Variants in PCM1 observed in about 807,000 individuals in gnomAD.
The protein encoded by PCM1 is pericentriolar material 1 protein.
A neutral mutation model predicts 241.9 loss-of-function variants in PCM1; 157 were observed. The observed-to-expected ratio is 0.65, with a 90% CI of 0.57 to 0.74. The LOEUF is 0.74. PCM1 is among the 30% of genes least tolerant of loss of function. The pLI is 0.00. For synonymous variants in PCM1, 1,085 were observed against 784.9 expected (o/e 1.38, Z -6.39); for missense variants, 3,478 against 2,360.1 (o/e 1.47, Z -9.81).
Position 17,967,183 on chromosome 8 carries a change from A to C in PCM1, c.3412+13A>C. 1 of 1,547,596 alleles carries C rather than the reference A, an allele frequency of 6.5e-7. No individual in the cohort carries two copies. Among genetic ancestry groups the C allele is most frequent in the Non-Finnish European group, 8.8e-7 (1 of 1,139,732 alleles). On this transcript the variant is annotated intron_variant, in intron 21 of 38. Transcript: ENST00000325083. The stretch of plus-strand genomic sequence containing the variant: ...TCATTTGCACCAGGTAGGTGACTTA[A>C]CCTAAAGAGAAAATAAATAAAAGCA...
intron 13 of PCM1, among the ~76,000 whole-genome samples, chr8:17,959,071 G>C (rs1206230846): frequency 6.6e-6 from 1 of 151,984 alleles, no homozygotes; most frequent in Non-Finnish European, 1.5e-5. Flanking sequence ...CTTCACTGAA[G>C]TTGCTAGGCC....
intron 29 of PCM1, among the ~76,000 whole-genome samples, chr8:17,995,745 G>C (rs13251155): frequency 0.47 from 69,315 of 147,130 alleles, 18,063 homozygotes; most frequent in Middle Eastern, 0.59. Context: ...TCTTTCATCA[G>C]TGTTTTATAG....
intron 36 of PCM1, 45 bp from the exon 37 acceptor site, chr8:18,025,316 G>A: frequency 1.0e-6 from 1 of 1,001,750 alleles, no homozygotes; most frequent in East Asian, 2.4e-5. Context: ...ATGGATGACT[G>A]GTTTGGATCT....
At position 18,011,233 on chromosome 8, in the gene PCM1, C is replaced by G; in HGVS notation, c.5221-4C>G. On this transcript the variant is annotated splice_region_variant and splice_polypyrimidine_tract_variant and intron_variant, in intron 32 of 38. Coordinates refer to ENST00000325083, the MANE Select transcript of PCM1 (RefSeq NM_006197.4). ...ATTAATTACTCAAATATTTTTGTGT[C>G]TAGGACAAGGATGAAACTGAAACAG... The G allele has an allele frequency of 6.3e-7, 1 of 1,593,960 alleles. No homozygotes were observed. Among genetic ancestry groups the G allele is most frequent in the Non-Finnish European group, 8.5e-7 (1 of 1,169,936 alleles).
intron 6 of PCM1, among the ~76,000 whole-genome samples, chr8:17,945,176 T>C (rs962145809): frequency 3.3e-5 from 5 of 152,152 alleles, no homozygotes; most frequent in Non-Finnish European, 5.9e-5. Flanking sequence ...TTGATAATTA[T>C]CCCTACCCTT....
intron 3 of PCM1, 151 bp from the exon 4 acceptor site, chr8:17,936,983 T>C: frequency 1.8e-6 from 1 of 560,950 alleles, no homozygotes. Context: ...AATGGGTTAA[T>C]AGAAGTAAAT....
At chr8:17,995,773 T>C (rs111430346) in intron 29 of PCM1, among the ~76,000 whole-genome samples, 2,346 of 152,194 alleles carry the variant, frequency 0.015, 63 homozygotes, top group African/African-American at 0.054. Context: ...TGTAGAGATC[T>C]TTCACTTATT....
chr8:17,965,088 G>C (rs1359356476), intron 18 of PCM1, among the ~76,000 whole-genome samples: 1 of 151,664 alleles, frequency 6.6e-6, no homozygotes, highest in African/African-American at 2.4e-5. Context: ...TACAGGAAAA[G>C]ACTTACTTAC....
intron 8 of PCM1, among the ~76,000 whole-genome samples, chr8:17,952,268 A>G (rs1363986372): frequency 1.3e-5 from 2 of 149,638 alleles, no homozygotes; most frequent in African/African-American, 5.0e-5. Context: ...ATAAAGGAAC[A>G]TGAGAGAGAA....
At chr8:17,993,817 T>C (rs1245245225) in intron 29 of PCM1, among the ~76,000 whole-genome samples, 198 bp downstream of exon 29, 1 of 152,226 alleles carries the variant, frequency 6.6e-6, no homozygotes. Context: ...TCTGCCTTTT[T>C]CATTTACTAT....
chr8:17,964,969 A>C (rs906337574), intron 18 of PCM1, among the ~76,000 whole-genome samples: 3 of 152,128 alleles, frequency 2.0e-5, no homozygotes, highest in African/African-American at 7.2e-5. Flanking sequence ...TCAGACTTCA[A>C]TTTCAACTGC....
chr8:17,985,228 A>G (rs574503273), intron 24 of PCM1, among the ~76,000 whole-genome samples: 6 of 152,008 alleles, frequency 3.9e-5, no homozygotes, highest in African/African-American at 1.4e-4. Flanking sequence ...GTTATTCATT[A>G]AAGTTTCATT....
intron 30 of PCM1, 33 bp downstream of exon 30, chr8:18,006,430 T>C (rs756620438): frequency 6.6e-7 from 1 of 1,509,402 alleles, no homozygotes; most frequent in South Asian, 1.2e-5. Context: ...TTTACCAATA[T>C]GTACTGTGTG....
intron 36 of PCM1, among the ~76,000 whole-genome samples, chr8:18,024,408 T>C (rs1180236630): frequency 6.6e-6 from 1 of 152,198 alleles, no homozygotes; most frequent in African/African-American, 2.4e-5. Flanking sequence ...TTATGATTCA[T>C]AATTTCTTAG....
Position 17,969,757 on chromosome 8 carries a change from T to A in PCM1, c.3584+9T>A, listed in dbSNP as rs748614416. ...GGAGCAGAGAAACCAAGGTACTGATTGTAAACAGTCTTTTATTGCTTAAAC... is the reference window on the plus strand; with the variant it reads ...GGAGCAGAGAAACCAAGGTACTGATAGTAAACAGTCTTTTATTGCTTAAAC... On this transcript the variant is annotated intron_variant, in intron 22 of 38. Transcript: ENST00000325083. The A allele has an allele frequency of 6.3e-7, 1 of 1,585,620 alleles. No homozygotes were observed. Among genetic ancestry groups the A allele is most frequent in the Admixed American group, 1.7e-5 (1 of 57,430 alleles).
Position 17,957,349 on chromosome 8 carries a change from G to T in PCM1, c.1732G>T (p.Val578Phe). 1 of 1,611,624 alleles carries T rather than the reference G, an allele frequency of 6.2e-7. No individual in the cohort carries two copies. Among genetic ancestry groups the T allele is most frequent in the Non-Finnish European group, 8.5e-7 (1 of 1,178,034 alleles). ...CVSNNRDGRT[V>F]NSNCEINNRS... ...TTCTAATAATAGAGATGGGCGAACA[G>T]TTAATTCTAATTGTGAAATTAACAA... is the stretch of plus-strand genomic sequence containing the variant. The change falls in exon 12 of 39, where the codon GTT becomes TTT. Residue 578 changes from valine to phenylalanine, a missense_variant. Val to Phe is a conservative substitution (Grantham distance 50). Coordinates refer to ENST00000325083, the MANE Select transcript of PCM1 (RefSeq NM_006197.4).
At chr8:17,948,437 T>G (rs1002367654) in intron 7 of PCM1, among the ~76,000 whole-genome samples, 4 of 151,362 alleles carry the variant, frequency 2.6e-5, no homozygotes, top group African/African-American at 9.7e-5. Flanking sequence ...CCTGAGTAGC[T>G]GGGATTACAG....
At chr8:18,003,140 C>G (rs1212910670) in intron 29 of PCM1, among the ~76,000 whole-genome samples, 6 of 152,190 alleles carry the variant, frequency 3.9e-5, no homozygotes, top group Admixed American at 1.3e-4. Context: ...GTCTGCCTCT[C>G]CATGCTAAAA....
chr8:17,936,448 G>C (rs899708526), intron 3 of PCM1, among the ~76,000 whole-genome samples: 1 of 152,120 alleles, frequency 6.6e-6, no homozygotes, highest in African/African-American at 2.4e-5. Flanking sequence ...AATGAATTAG[G>C]TTATGTGAGT....
Sources: gnomAD v4.1 joint callset for allele counts (sites outside exome capture counted in the v4.1 genomes callset) on GRCh38, gnomAD v4.1.1 for gene constraint, MANE v1.5 for transcripts, NCBI Gene and HGNC (gene_info 2026-07-23, HGNC 2026-07-21) for gene names.